AP2A2: variants seen among roughly 807,000 people sequenced by gnomAD.
AP2A2 encodes the protein adaptor related protein complex 2 subunit alpha 2.
In AP2A2, 32 loss-of-function variants were observed where a neutral mutation model predicts 104.2. The ratio of observed to expected loss-of-function variants is 0.31; its 90% CI spans 0.23 to 0.41. The LOEUF (loss-of-function observed/expected upper bound fraction) is 0.41, where lower values mean the gene tolerates loss of function less well. AP2A2 is among the 10% of genes least tolerant of loss of function. The probability of loss-of-function intolerance (pLI) is 1.00; values close to 1 mark genes in which losing one functional copy is unlikely to be tolerated. For synonymous variants in AP2A2, 539 were observed against 533.3 expected (o/e 1.01, Z -0.15); for missense variants, 912 against 1,261.0 (o/e 0.72, Z 4.19).
chr11:986,702 G>T, intron 8 of AP2A2, 83 bp from the exon 9 acceptor site: 1 of 1,496,344 alleles, frequency 6.7e-7, no homozygotes. Context: ...CTGCCATCTG[G>T]ACCCGTCGGG....
chr11:939,715 G>A (rs1348576320), intron 1 of AP2A2, among the ~76,000 whole-genome samples: 2 of 152,070 alleles, frequency 1.3e-5, no homozygotes, highest in Non-Finnish European at 2.9e-5. Context: ...AAAGTGCTGG[G>A]ATTACAGGCG....
intron 9 of AP2A2, among the ~76,000 whole-genome samples, chr11:987,430 AC>A (rs1855498862): frequency 6.6e-6 from 1 of 152,064 alleles, no homozygotes; most frequent in East Asian, 1.9e-4. Context: ...CGGGTGGATC[AC>A]AAGGTCAGGA....
chr11:963,153 C>T (rs756904543), intron 2 of AP2A2, among the ~76,000 whole-genome samples: 14 of 152,092 alleles, frequency 9.2e-5, no homozygotes, highest in African/African-American at 1.7e-4. Context: ...CTGGCTGGCA[C>T]GATGGCTCAT....
chr11:931,809 T>C (rs1853301296), intron 1 of AP2A2, among the ~76,000 whole-genome samples: 3 of 150,426 alleles, frequency 2.0e-5, no homozygotes, highest in Non-Finnish European at 4.4e-5. Flanking sequence ...CTTGTTTTTT[T>C]TTTTTTTTTT....
At chr11:943,410 T>C (rs1274765003) in intron 1 of AP2A2, 1 of 154,210 alleles carries the variant, frequency 6.5e-6, no homozygotes, top group Non-Finnish European at 1.4e-5. Context: ...CTGGAATCTA[T>C]AGATAACATA....
chr11:1,008,292 G>T, intron 18 of AP2A2, 157 bp downstream of exon 18: 1 of 1,140,076 alleles, frequency 8.8e-7, no homozygotes, highest in Non-Finnish European at 1.2e-6. Flanking sequence ...GCTGCCCCCG[G>T]CTCTGCAGAG....
At chr11:986,055 C>G (rs572575387) in intron 8 of AP2A2, among the ~76,000 whole-genome samples, 12 of 152,248 alleles carry the variant, frequency 7.9e-5, no homozygotes, top group African/African-American at 2.9e-4. Context: ...CTCCTCTGCT[C>G]CCACGCCTTC....
chr11:1,010,305 T>A, intron 21 of AP2A2: 1 of 581,918 alleles, frequency 1.7e-6, no homozygotes, highest in East Asian at 2.8e-5. Context: ...ATCCCACAGC[T>A]TCTCCAGGTG....
intron 17 of AP2A2, chr11:1,006,914 T>G: frequency 2.9e-6 from 1 of 345,530 alleles, no homozygotes. Context: ...GCTCTTACTC[T>G]CCTGTGACGT....
At chr11:959,612 C>G (rs1416660647) in intron 2 of AP2A2, 107 bp downstream of exon 2, 1 of 760,770 alleles carries the variant, frequency 1.3e-6, no homozygotes, top group Non-Finnish European at 2.1e-6. Context: ...AAGTGAAGTT[C>G]TCAGTTTGTA....
At chr11:1,002,006 C>A (rs1319619198) in intron 15 of AP2A2, among the ~76,000 whole-genome samples, 4 of 152,218 alleles carry the variant, frequency 2.6e-5, no homozygotes. Context: ...GCTGCTGGCA[C>A]ACGGCTCACA....
At chr11:940,962 G>T (rs751624497) in intron 1 of AP2A2, 5 of 455,844 alleles carry the variant, frequency 1.1e-5, no homozygotes, top group Non-Finnish European at 2.2e-5. Flanking sequence ...CCCTCGGGGA[G>T]TCTGTCACTG....
intron 4 of AP2A2, among the ~76,000 whole-genome samples, chr11:973,218 G>C (rs1012580310): frequency 6.6e-6 from 1 of 152,202 alleles, no homozygotes; most frequent in African/African-American, 2.4e-5. Context: ...GCCTAGACCG[G>C]CGTCTCAACT....
chr11:984,275 G>GT (rs1482775874), intron 6 of AP2A2, among the ~76,000 whole-genome samples: 1 of 152,102 alleles, frequency 6.6e-6, no homozygotes, highest in Non-Finnish European at 1.5e-5. Flanking sequence ...GGGTTGTGGG[G>GT]TAGGGTCAGA....
intron 21 of AP2A2, chr11:1,010,069 T>G (rs1856369135): frequency 7.6e-6 from 4 of 523,534 alleles, no homozygotes; most frequent in Non-Finnish European, 1.4e-5. Context: ...TGTCAATACA[T>G]GGTTGCATCC....
chr11:955,850 C>T (rs1340797243), intron 1 of AP2A2, among the ~76,000 whole-genome samples: 1 of 152,170 alleles, frequency 6.6e-6, no homozygotes, highest in Admixed American at 6.5e-5. Context: ...TGGTGGAGTT[C>T]GGCCCTGTGA....
In AP2A2 at chr11:982,520, C is replaced by G. The variant is rs188483061; in HGVS notation, c.705+1221C>G. 3.6e-3 allele frequency among the ~76,000 whole-genome samples: 553 copies of G among 151,918 alleles called. 1 individual carries two copies. The highest frequency in any genetic ancestry group is 6.5e-3 in the Non-Finnish European group (439 of 67,994). ...AATATTTCACCATTAAGTATGATGT[C>G]TGCTTTAGAATTTTGTTGTTGTCGT... On this transcript the variant is annotated intron_variant, in intron 6 of 21. Transcript: ENST00000448903.
intron 6 of AP2A2, among the ~76,000 whole-genome samples, chr11:982,195 C>T (rs1170107413): frequency 6.6e-6 from 1 of 152,122 alleles, no homozygotes; most frequent in East Asian, 1.9e-4. Context: ...GGATTACAGG[C>T]ACCCACCACC....
chr11:972,430 C>T (rs1027518574), intron 4 of AP2A2, among the ~76,000 whole-genome samples, 175 bp downstream of exon 4: 3 of 152,218 alleles, frequency 2.0e-5, no homozygotes, highest in African/African-American at 4.8e-5. Flanking sequence ...CACGGTGGCT[C>T]ACGCCTCTAA....
Sources: allele counts gnomAD v4.1 joint callset (sites outside exome capture counted in the v4.1 genomes callset), GRCh38; gene constraint gnomAD v4.1.1; transcripts MANE v1.5; gene names NCBI Gene and HGNC (gene_info 2026-07-23, HGNC 2026-07-21).